ARHGEF7: variants seen among roughly 807,000 people sequenced by gnomAD.
The protein encoded by ARHGEF7 is PAK-interacting exchange factor beta.
ARHGEF7 carries 33 observed loss-of-function variants against 109.8 expected under a neutral mutation model. The ratio of observed to expected loss-of-function variants is 0.30; its 90% CI spans 0.23 to 0.40. The LOEUF (loss-of-function observed/expected upper bound fraction) is 0.40, where lower values mean the gene tolerates loss of function less well. Among genes scored for constraint, ARHGEF7 ranks in the 10% least tolerant of loss-of-function variants. ARHGEF7 has a pLI of 1.00. For missense variants in ARHGEF7, 938 were observed against 1,098.5 expected, an observed-to-expected ratio of 0.85 and a Z score of 2.07; for synonymous variants, 458 against 424.6, an observed-to-expected ratio of 1.08 and a Z score of -0.97.
intron 4 of ARHGEF7, among the ~76,000 whole-genome samples, chr13:111,216,653 A>G (rs1021354781): frequency 6.6e-6 from 1 of 152,010 alleles, no homozygotes; most frequent in Admixed American, 6.5e-5. Flanking sequence ...AGAGCTCTGA[A>G]CGTTCTGTGC....
chr13:111,233,015 G>A (rs1025102824), intron 5 of ARHGEF7, among the ~76,000 whole-genome samples, 190 bp from the exon 6 acceptor site: 1 of 152,098 alleles, frequency 6.6e-6, no homozygotes, highest in African/African-American at 2.4e-5. Context: ...ATTGGCCTTG[G>A]TGAGCCGAGC....
At chr13:111,280,441 G>A in intron 14 of ARHGEF7, 91 bp downstream of exon 14, 1 of 1,584,874 alleles carries the variant, frequency 6.3e-7, no homozygotes, top group Non-Finnish European at 8.6e-7. Context: ...ATTTCAGAAG[G>A]TGGTGTTTAA....
At chr13:111,170,093 A>G (rs1418971628) in intron 2 of ARHGEF7, among the ~76,000 whole-genome samples, 1 of 152,130 alleles carries the variant, frequency 6.6e-6, no homozygotes, top group Non-Finnish European at 1.5e-5. Flanking sequence ...ACGTGATACA[A>G]GCTAGCCACT....
chr13:111,300,116 G>A (rs895494680), intron 19 of ARHGEF7, among the ~76,000 whole-genome samples: 1 of 152,044 alleles, frequency 6.6e-6, no homozygotes, highest in Non-Finnish European at 1.5e-5. Flanking sequence ...TTTATTGAGG[G>A]CCTTTCCCAT....
chr13:111,222,692 G>A (rs1159072521), intron 5 of ARHGEF7, among the ~76,000 whole-genome samples: 2 of 152,228 alleles, frequency 1.3e-5, no homozygotes, highest in African/African-American at 2.4e-5. Context: ...GCCTCCCAAA[G>A]TGCTGGGATT....
At chr13:111,288,653 A>G (rs1011528191) in intron 18 of ARHGEF7, among the ~76,000 whole-genome samples, 1 of 140,638 alleles carries the variant, frequency 7.1e-6, no homozygotes, top group African/African-American at 2.5e-5. Context: ...CTGTGGGCAC[A>G]ATTGCTGTGT....
Position 111,228,830 on chromosome 13 carries a change from G to A in ARHGEF7, c.671-4375G>A, listed in dbSNP as rs113749143. On this transcript the variant is annotated intron_variant, in intron 5 of 21. Coordinates refer to ENST00000646102, the MANE Select transcript of ARHGEF7 (RefSeq NM_001354046.2). The surrounding 1 kb of genome is among the most constrained non-coding windows in gnomAD (Gnocchi z 4.6). ...GGTCGGAAGAGGACGTGGGAATTCC[G>A]AGTTTTTCAGGGCCATGTCTGCTCT... 2.0e-5 allele frequency among the ~76,000 whole-genome samples: 3 copies of A among 151,992 alleles called. No individual in the cohort carries two copies. Among genetic ancestry groups the A allele is most frequent in the Non-Finnish European group, 4.4e-5 (3 of 68,004 alleles).
chr13:111,215,723 A>G (rs554813412), intron 4 of ARHGEF7, among the ~76,000 whole-genome samples: 2 of 152,266 alleles, frequency 1.3e-5, no homozygotes, highest in East Asian at 1.9e-4. Flanking sequence ...TTGACATTCA[A>G]ACACATTAAT....
At chr13:111,139,776 C>T (rs2075265162) in intron 1 of ARHGEF7, among the ~76,000 whole-genome samples, 1 of 152,232 alleles carries the variant, frequency 6.6e-6, no homozygotes, top group Non-Finnish European at 1.5e-5. Context: ...TGAACTGATG[C>T]CCATGCACAG....
intron 2 of ARHGEF7, among the ~76,000 whole-genome samples, chr13:111,161,339 T>G (rs751315414): frequency 6.6e-6 from 1 of 152,138 alleles, no homozygotes; most frequent in Non-Finnish European, 1.5e-5. Flanking sequence ...AGGTATTTGC[T>G]TTGCGGGGGA....
chr13:111,127,410 G>A (rs1244393826), intron 1 of ARHGEF7, among the ~76,000 whole-genome samples: 1 of 152,054 alleles, frequency 6.6e-6, no homozygotes. Flanking sequence ...TGTAATCCCA[G>A]CATTTTAGGA....
chr13:111,304,829 T>C lies in ARHGEF7; in HGVS notation c.*1716T>C, dbSNP rs904051519. 3.9e-5 allele frequency: 6 copies of C among 152,242 alleles called. No individual in the cohort carries two copies. Among genetic ancestry groups the C allele is most frequent in the Admixed American group, 2.0e-4 (3 of 15,284 alleles). 9.4% of individuals were successfully genotyped at this position (152,242 alleles called of 1,614,324 possible). A position where few individuals can be genotyped will look rare whatever the true frequency, so the allele number is the denominator to read the frequency against. On this transcript the variant is annotated 3_prime_UTR_variant, in exon 22 of 22. Coordinates refer to ENST00000646102, the MANE Select transcript of ARHGEF7 (RefSeq NM_001354046.2). Reference sequence around the variant, plus strand: ...CTCAACTTAGCAGATCATTCACTCATGCGGGCACAAGCAAAGATCAACACT... The same window carrying C: ...CTCAACTTAGCAGATCATTCACTCACGCGGGCACAAGCAAAGATCAACACT...
chr13:111,251,138 G>C (rs1467227717), intron 8 of ARHGEF7, among the ~76,000 whole-genome samples: 1 of 152,200 alleles, frequency 6.6e-6, no homozygotes, highest in Non-Finnish European at 1.5e-5. Flanking sequence ...CTGTCTAGGG[G>C]CCGACCCAGA....
intron 1 of ARHGEF7, among the ~76,000 whole-genome samples, chr13:111,129,517 T>C (rs777849306): frequency 6.6e-6 from 1 of 152,162 alleles, no homozygotes; most frequent in African/African-American, 2.4e-5. Flanking sequence ...TGTAAAGAAC[T>C]CTCAAAACTT....
At chr13:111,178,613 T>TCA in intron 2 of ARHGEF7, among the ~76,000 whole-genome samples, 1 of 152,330 alleles carries the variant, frequency 6.6e-6, no homozygotes, top group South Asian at 2.1e-4. Context: ...CTGACTGAGT[T>TCA]AGCTTGGTAC....
At chr13:111,213,830 A>C (rs1010150330) in intron 4 of ARHGEF7, among the ~76,000 whole-genome samples, 1 of 152,170 alleles carries the variant, frequency 6.6e-6, no homozygotes, top group African/African-American at 2.4e-5. Context: ...AGCTGCCGTG[A>C]TTTTAGGCTG....
chr13:111,257,005 C>A (rs1315287584), intron 8 of ARHGEF7, among the ~76,000 whole-genome samples: 1 of 152,218 alleles, frequency 6.6e-6, no homozygotes, highest in Non-Finnish European at 1.5e-5. Context: ...TTGAAAACAG[C>A]TAATTTAGAT....
intron 6 of ARHGEF7, among the ~76,000 whole-genome samples, chr13:111,240,376 T>G (rs906625311): frequency 4.6e-5 from 7 of 152,210 alleles, no homozygotes; most frequent in African/African-American, 1.7e-4. Flanking sequence ...CTCCAAACTT[T>G]TTTTGAGAAC....
intron 2 of ARHGEF7, among the ~76,000 whole-genome samples, chr13:111,201,459 T>G (rs2081206144): frequency 6.6e-6 from 1 of 152,210 alleles, no homozygotes; most frequent in Non-Finnish European, 1.5e-5. Flanking sequence ...TGGGGCTTCA[T>G]TTTATCTCTA....
Sources: gnomAD v4.1 joint callset for allele counts (sites outside exome capture counted in the v4.1 genomes callset) on GRCh38, gnomAD v4.1.1 for gene constraint, Gnocchi (gnomAD v3.1) non-coding constraint, MANE v1.5 for transcripts, NCBI Gene and HGNC (gene_info 2026-07-23, HGNC 2026-07-21) for gene names.